The following IKZF2 variants were observed in gnomAD, a reference collection of about 807,000 sequenced individuals.
IKZF2 encodes zinc finger protein Helios.
In IKZF2, 15 loss-of-function variants were observed where a neutral mutation model predicts 49.2. The ratio of observed to expected loss-of-function variants is 0.30; its 90% CI spans 0.20 to 0.47. The LOEUF (loss-of-function observed/expected upper bound fraction) is 0.47, where lower values mean the gene tolerates loss of function less well. Among genes scored for constraint, IKZF2 ranks in the 20% least tolerant of loss-of-function variants. The probability of loss-of-function intolerance (pLI) is 1.00; values close to 1 mark genes in which losing one functional copy is unlikely to be tolerated. For synonymous variants in IKZF2, 227 were observed against 221.4 expected, an observed-to-expected ratio of 1.03 and a Z score of -0.23; for missense variants, 567 against 664.6, an observed-to-expected ratio of 0.85 and a Z score of 1.61.
intron 4 of IKZF2, among the ~76,000 whole-genome samples, chr2:213,083,301 C>A (rs575246335): frequency 6.6e-6 from 1 of 151,714 alleles, no homozygotes; most frequent in East Asian, 1.9e-4. Flanking sequence ...GTATTTACAG[C>A]ACTTCCCATC....
chr2:213,026,700 AT>A (rs1418673437), intron 6 of IKZF2, among the ~76,000 whole-genome samples: 1 of 151,866 alleles, frequency 6.6e-6, no homozygotes, highest in South Asian at 2.1e-4. Flanking sequence ...ATCCTCTTGC[AT>A]TTTTTTAATG....
intron 4 of IKZF2, among the ~76,000 whole-genome samples, chr2:213,077,283 T>C (rs903335656): frequency 1.3e-5 from 2 of 152,220 alleles, no homozygotes; most frequent in African/African-American, 4.8e-5. Flanking sequence ...ACAAGTGTTA[T>C]AGATATTAAA....
intron 4 of IKZF2, among the ~76,000 whole-genome samples, chr2:213,060,089 T>C (rs989319142): frequency 6.6e-6 from 1 of 151,288 alleles, no homozygotes; most frequent in Non-Finnish European, 1.5e-5. Flanking sequence ...AAAATCCCAG[T>C]GTAACTAATC....
intron 4 of IKZF2, among the ~76,000 whole-genome samples, chr2:213,128,996 T>C (rs16849808): frequency 0.022 from 3,267 of 151,918 alleles, 123 homozygotes; most frequent in African/African-American, 0.075. Context: ...TCTCCCCATG[T>C]GACTTTCGCC....
intron 4 of IKZF2, among the ~76,000 whole-genome samples, chr2:213,094,755 C>T (rs1705776532): frequency 6.6e-6 from 1 of 151,998 alleles, no homozygotes; most frequent in South Asian, 2.1e-4. Flanking sequence ...TGCATATCAG[C>T]CACAGGTAAA....
intron 4 of IKZF2, among the ~76,000 whole-genome samples, chr2:213,060,253 A>G (rs900865459): frequency 5.3e-5 from 8 of 151,368 alleles, no homozygotes; most frequent in Non-Finnish European, 1.0e-4. Flanking sequence ...AATGTAGAAC[A>G]CCTAATATTT....
At chr2:213,037,788 C>T (rs1005379435) in intron 6 of IKZF2, among the ~76,000 whole-genome samples, 1 of 152,086 alleles carries the variant, frequency 6.6e-6, no homozygotes, top group East Asian at 1.9e-4. Context: ...CTATCAGCCA[C>T]CTCCAGGAAG....
At chr2:213,034,419 T>C (rs1461199360) in intron 6 of IKZF2, among the ~76,000 whole-genome samples, 3 of 152,236 alleles carry the variant, frequency 2.0e-5, no homozygotes, top group Non-Finnish European at 4.4e-5. Context: ...GCCTCATCAT[T>C]TCTAGCTTTT....
At chr2:213,077,331 C>CT (rs1703378727) in intron 4 of IKZF2, among the ~76,000 whole-genome samples, 1 of 151,968 alleles carries the variant, frequency 6.6e-6, no homozygotes, top group Non-Finnish European at 1.5e-5. Context: ...TAATACTAGT[C>CT]TTTTTTCCAT....
At chr2:213,133,382 A>G (rs1233139778) in intron 4 of IKZF2, among the ~76,000 whole-genome samples, 1 of 152,168 alleles carries the variant, frequency 6.6e-6, no homozygotes, top group South Asian at 2.1e-4. Context: ...CCACTTCTTT[A>G]TATACCACAG....
intron 7 of IKZF2, among the ~76,000 whole-genome samples, chr2:213,018,012 G>A (rs1256016309): frequency 6.6e-6 from 1 of 152,062 alleles, no homozygotes; most frequent in Non-Finnish European, 1.5e-5. Flanking sequence ...CCTCTATACT[G>A]TGAAAAAGAA....
At chr2:213,080,609 G>C (rs942595431) in intron 4 of IKZF2, among the ~76,000 whole-genome samples, 1 of 151,992 alleles carries the variant, frequency 6.6e-6, no homozygotes, top group African/African-American at 2.4e-5. Flanking sequence ...AAATAAATGA[G>C]AACTAAATGT....
At chr2:213,093,957 G>C (rs376162827) in intron 4 of IKZF2, among the ~76,000 whole-genome samples, 7 of 152,170 alleles carry the variant, frequency 4.6e-5, no homozygotes, top group African/African-American at 1.7e-4. Context: ...AAGTTTCAAG[G>C]AGGAATTACT....
intron 6 of IKZF2, among the ~76,000 whole-genome samples, chr2:213,025,935 C>T (rs1348240053): frequency 1.3e-5 from 2 of 152,140 alleles, no homozygotes; most frequent in African/African-American, 2.4e-5. Context: ...TCACAATCAA[C>T]GTCCTAGTTC....
At chr2:213,094,369 A>G (rs13030901) in intron 4 of IKZF2, among the ~76,000 whole-genome samples, 4 of 152,256 alleles carry the variant, frequency 2.6e-5, no homozygotes, top group East Asian at 3.9e-4. Context: ...TAAACTGGCA[A>G]CAGCAGAGAG....
intron 4 of IKZF2, among the ~76,000 whole-genome samples, chr2:213,124,273 CACA>C (rs1234969878): frequency 1.2e-4 from 18 of 145,470 alleles, no homozygotes; most frequent in African/African-American, 5.0e-4. Context: ...CACACACACA[CACA>C]CACACACACA....
At chr2:213,131,731 T>C (rs1452364562) in intron 4 of IKZF2, among the ~76,000 whole-genome samples, 1 of 152,172 alleles carries the variant, frequency 6.6e-6, no homozygotes, top group African/African-American at 2.4e-5. Context: ...GCATTTATTT[T>C]AAAACTGCCT....
chr2:213,139,240 A>G (rs1338402153), intron 4 of IKZF2, among the ~76,000 whole-genome samples: 1 of 151,772 alleles, frequency 6.6e-6, no homozygotes, highest in African/African-American at 2.4e-5. Flanking sequence ...GCCAAGGGGA[A>G]AAAAAAATGA....
chr2:213,068,903 G>A (rs1054978780), intron 4 of IKZF2, among the ~76,000 whole-genome samples: 8 of 110,552 alleles, frequency 7.2e-5, no homozygotes, highest in African/African-American at 2.9e-4. Flanking sequence ...TAGTATCCAG[G>A]AGGGAGAAAA....
Sources: allele counts gnomAD v4.1 joint callset (sites outside exome capture counted in the v4.1 genomes callset), GRCh38; gene constraint gnomAD v4.1.1; transcripts MANE v1.5; gene names NCBI Gene and HGNC (gene_info 2026-07-23, HGNC 2026-07-21).